Variants in UNC80 observed in about 807,000 individuals in gnomAD.
The protein encoded by UNC80 is unc-80 subunit of NALCN channel complex.
In UNC80, 164 loss-of-function variants were observed where a neutral mutation model predicts 384.6. That is an observed-to-expected ratio of 0.43 (90% CI 0.38 to 0.49). The LOEUF (loss-of-function observed/expected upper bound fraction) is 0.49. Among genes scored for constraint, UNC80 ranks in the 20% least tolerant of loss-of-function variants. UNC80 has a pLI of 0.00. For synonymous variants in UNC80, 1,486 were observed against 1,527.8 expected (o/e 0.97, Z 0.64); for missense variants, 3,330 against 4,143.0 (o/e 0.80, Z 5.39).
intron 15 of UNC80, among the ~76,000 whole-genome samples, chr2:209,831,162 C>G (rs1162783670): frequency 6.6e-6 from 1 of 150,986 alleles, no homozygotes; most frequent in Non-Finnish European, 1.5e-5. Context: ...AAAAATCTTT[C>G]CTAAACTTAA....
chr2:209,917,685 T>C (rs774950417), intron 31 of UNC80, 92 bp from the exon 32 acceptor site: 71 of 1,439,382 alleles, frequency 4.9e-5, no homozygotes, highest in Non-Finnish European at 6.2e-5. Flanking sequence ...GGAGTCATTT[T>C]CAGAAGATAG....
intron 60 of UNC80, chr2:209,983,026 G>GA (rs2093197107): frequency 6.6e-6 from 1 of 151,716 alleles, no homozygotes. Flanking sequence ...ATCTTAAGTA[G>GA]ATAAATGTTT....
intron 24 of UNC80, 61 bp from the exon 25 acceptor site, chr2:209,880,900 T>G: frequency 6.7e-7 from 1 of 1,490,014 alleles, no homozygotes; most frequent in Non-Finnish European, 9.1e-7. Flanking sequence ...TCCATCAAAC[T>G]ATGCATTTCT....
At chr2:209,910,881 G>C (rs572279166) in intron 29 of UNC80, among the ~76,000 whole-genome samples, 2 of 152,182 alleles carry the variant, frequency 1.3e-5, no homozygotes, top group South Asian at 2.1e-4. Context: ...TTAAAATTGT[G>C]TGCCACACAT....
intron 21 of UNC80, among the ~76,000 whole-genome samples, chr2:209,848,537 G>GAA (rs1161275692): frequency 6.6e-6 from 1 of 152,090 alleles, no homozygotes; most frequent in African/African-American, 2.4e-5. Flanking sequence ...AAATAATTTA[G>GAA]AAATGGCCAT....
chr2:209,798,235 C>T (rs1371953204), intron 7 of UNC80, among the ~76,000 whole-genome samples: 1 of 152,180 alleles, frequency 6.6e-6, no homozygotes, highest in Admixed American at 6.5e-5. Flanking sequence ...AGTCTTTGCC[C>T]ATGCATGTGT....
chr2:209,793,973 G>T, intron 7 of UNC80, 114 bp downstream of exon 7: 3 of 1,232,488 alleles, frequency 2.4e-6, no homozygotes, highest in Non-Finnish European at 2.3e-6. Context: ...TGCATAATAT[G>T]TGTATACATA....
Position 209,994,097 on chromosome 2 carries a change from G to A in UNC80, c.9541G>A (p.Ala3181Thr), listed in dbSNP as rs1178947306. The change falls in exon 64 of 65, where the codon GCT becomes ACT. Residue 3181 changes from alanine (A) to threonine (T), a missense_variant. Physicochemically the swap from Ala to Thr is moderately conservative, Grantham distance 58 (BLOSUM62 0). Around this residue, in one of 8 missense-constraint regions of UNC80, gnomAD observed 236 missense variants for 254.9 expected, o/e 0.93. Transcript: ENST00000673920. ...GAAACGATCTGTGACCTTCATTGAG[G>A]CTCAGCCAGAGCCAGCAGCTGCCCC... Reference protein sequence around the residue: ...DQKRSVTFIEAQPEPAAAPTD... With the variant: ...DQKRSVTFIETQPEPAAAPTD... 8.4e-6 allele frequency: 13 copies of A among 1,551,278 alleles called. No individual in the cohort carries two copies. The highest frequency in any genetic ancestry group is 1.0e-5 in the Non-Finnish European group (12 of 1,146,856).
intron 1 of UNC80, 63 bp downstream of exon 1, chr2:209,772,227 G>A (rs2076614628): frequency 9.5e-7 from 1 of 1,052,050 alleles, no homozygotes; most frequent in South Asian, 4.3e-5. Context: ...GGGGCCGCCC[G>A]GGTCGCCGCT....
intron 35 of UNC80, among the ~76,000 whole-genome samples, chr2:209,923,764 A>G (rs2090223875): frequency 6.6e-6 from 1 of 152,152 alleles, no homozygotes; most frequent in Non-Finnish European, 1.5e-5. Context: ...TCTGTATGGC[A>G]TATCTTCTTT....
At chr2:209,921,274 A>T (rs764808839) in intron 33 of UNC80, among the ~76,000 whole-genome samples, 1 of 152,236 alleles carries the variant, frequency 6.6e-6, no homozygotes, top group Non-Finnish European at 1.5e-5. Flanking sequence ...TCCAGAAATT[A>T]TGTGTTCATG....
At chr2:209,972,922 C>G in intron 55 of UNC80, 142 bp from the exon 56 acceptor site, 1 of 668,814 alleles carries the variant, frequency 1.5e-6, no homozygotes, top group Non-Finnish European at 2.4e-6. Flanking sequence ...ATTGGTGAAG[C>G]TGTACTTGAT....
intron 61 of UNC80, among the ~76,000 whole-genome samples, chr2:209,985,798 A>G (rs2093275207): frequency 6.6e-6 from 1 of 152,194 alleles, no homozygotes; most frequent in African/African-American, 2.4e-5. Context: ...AGTGAGTACA[A>G]TACACCCGTG....
At position 209,862,649 on chromosome 2, in the gene UNC80, C is replaced by CTTTTTTTTTTTTT. The variant is rs71043955; in HGVS notation, c.3628-10102_3628-10090dup. Among the ~76,000 whole-genome samples, 60 of 78,794 alleles carry CTTTTTTTTTTTTT rather than the reference C, an allele frequency of 7.6e-4. 2 individuals are homozygous for CTTTTTTTTTTTTT. Among genetic ancestry groups the CTTTTTTTTTTTTT allele is most frequent in the South Asian group, 2.0e-3 (4 of 2,018 alleles). The allele number at this position is 78,794 out of a possible 152,430, so 51.7% of individuals were successfully genotyped here. A position where few individuals can be genotyped will look rare whatever the true frequency, so the allele number is the denominator to read the frequency against. ...TCAGAGACTAGGATTGCAACCTCTG[C>CTTTTTTTTTTTTT]TTTTTTTTTTTTTTTTTTTGCTTTC... On this transcript the variant is annotated intron_variant, in intron 22 of 64. Coordinates refer to ENST00000673920, the MANE Select transcript of UNC80 (RefSeq NM_001371986.1).
At position 209,839,122 on chromosome 2, in the gene UNC80, C is replaced by T; in HGVS notation, c.3042-100C>T. 1 of 1,088,344 alleles carries T rather than the reference C, an allele frequency of 9.2e-7. No homozygotes were observed. The highest frequency in any genetic ancestry group is 1.6e-5 in the African/African-American group (1 of 63,818). 67.4% of individuals were successfully genotyped at this position (1,088,344 alleles called of 1,614,324 possible). A position where few individuals can be genotyped will look rare whatever the true frequency, so the allele number is the denominator to read the frequency against. ...TTTCAGCCCATCAAAGATCATTTTG[C>T]ATGATTTGCCTAAATATCATTGACA... On this transcript the variant is annotated intron_variant, in intron 18 of 64. Coordinates refer to ENST00000673920, the MANE Select transcript of UNC80 (RefSeq NM_001371986.1). The surrounding 1 kb of genome is among the most constrained non-coding windows in gnomAD (Gnocchi z 4.1).
At chr2:209,980,601 T>C (rs757021060) in intron 59 of UNC80, among the ~76,000 whole-genome samples, 4 of 152,210 alleles carry the variant, frequency 2.6e-5, no homozygotes, top group Non-Finnish European at 4.4e-5. Context: ...GATTGTTGTT[T>C]TGAATTAAAC....
At chr2:209,900,311 G>T (rs2087250947) in intron 28 of UNC80, among the ~76,000 whole-genome samples, 1 of 152,006 alleles carries the variant, frequency 6.6e-6, no homozygotes, top group Non-Finnish European at 1.5e-5. Context: ...TGCTTACTTT[G>T]TGTCTCTGTG....
intron 22 of UNC80, among the ~76,000 whole-genome samples, chr2:209,850,165 T>C (rs1283922745): frequency 6.6e-6 from 1 of 152,080 alleles, no homozygotes; most frequent in Non-Finnish European, 1.5e-5. Flanking sequence ...TTGAACATTG[T>C]GTGCTATTAT....
At chr2:209,787,896 G>T (rs1442744501) in intron 5 of UNC80, among the ~76,000 whole-genome samples, 1 of 152,052 alleles carries the variant, frequency 6.6e-6, no homozygotes, top group Non-Finnish European at 1.5e-5. Context: ...GGTATTTTAG[G>T]AGATGTTCCA....
Sources: gnomAD v4.1 joint callset for allele counts (sites outside exome capture counted in the v4.1 genomes callset) on GRCh38, gnomAD v4.1.1 for gene constraint, gnomAD v4.1.1 regional missense constraint, Gnocchi (gnomAD v3.1) non-coding constraint, MANE v1.5 for transcripts, NCBI Gene and HGNC (gene_info 2026-07-23, HGNC 2026-07-21) for gene names.